Variants in NKAIN2 observed in about 807,000 individuals in gnomAD.
NKAIN2 encodes the protein sodium/potassium transporting ATPase interacting 2.
NKAIN2 carries 14 observed loss-of-function variants against 32.6 expected under a neutral mutation model. That is an observed-to-expected ratio of 0.43 (90% confidence interval 0.28 to 0.67). NKAIN2 has a LOEUF of 0.67. Among genes scored for constraint, NKAIN2 ranks in the 30% least tolerant of loss-of-function variants. The pLI, the probability that NKAIN2 is intolerant of heterozygous loss-of-function variation, is 0.17. For synonymous variants in NKAIN2, 80 were observed against 87.2 expected, an observed-to-expected ratio of 0.92 and a Z score of 0.46; for missense variants, 198 against 258.3, an observed-to-expected ratio of 0.77 and a Z score of 1.60.
chr6:124,640,824 C>G (rs1034001279), intron 3 of NKAIN2, among the ~76,000 whole-genome samples: 1 of 152,092 alleles, frequency 6.6e-6, no homozygotes, highest in South Asian at 2.1e-4. Flanking sequence ...AATTTTTTCC[C>G]GTTTCCTATT....
intron 1 of NKAIN2, among the ~76,000 whole-genome samples, chr6:124,267,480 C>CT (rs1200827677): frequency 2.3e-5 from 2 of 86,662 alleles, no homozygotes; most frequent in Non-Finnish European, 4.0e-5. Context: ...AACCATGTCT[C>CT]TAAAAAAAAA....
intron 1 of NKAIN2, among the ~76,000 whole-genome samples, chr6:124,016,031 A>G (rs1310947762): frequency 2.0e-5 from 3 of 151,862 alleles, no homozygotes; most frequent in Non-Finnish European, 2.9e-5. Context: ...TTTTTTTTTA[A>G]TTCTTCAAAA....
intron 3 of NKAIN2, among the ~76,000 whole-genome samples, chr6:124,445,091 G>T (rs561544383): frequency 3.3e-5 from 5 of 152,000 alleles, no homozygotes; most frequent in Non-Finnish European, 7.4e-5. Context: ...CGAAACCTCT[G>T]CAAGGATGTC....
chr6:124,432,740 A>G (rs1775271337), intron 3 of NKAIN2, among the ~76,000 whole-genome samples: 1 of 152,170 alleles, frequency 6.6e-6, no homozygotes, highest in Non-Finnish European at 1.5e-5. Context: ...ATGGCCACCA[A>G]CAAGGATCAT....
chr6:124,092,400 C>T (rs1032062364), intron 1 of NKAIN2, among the ~76,000 whole-genome samples: 2 of 152,036 alleles, frequency 1.3e-5, no homozygotes, highest in African/African-American at 4.8e-5. Context: ...GAACAATTTT[C>T]TATAAAAGTA....
intron 4 of NKAIN2, among the ~76,000 whole-genome samples, chr6:124,775,154 T>C (rs1441085221): frequency 6.6e-6 from 1 of 152,216 alleles, no homozygotes; most frequent in East Asian, 1.9e-4. Flanking sequence ...GCTTCATTTC[T>C]TTTAACAACA....
At chr6:124,819,431 A>G (rs1013076670) in intron 6 of NKAIN2, among the ~76,000 whole-genome samples, 1 of 152,130 alleles carries the variant, frequency 6.6e-6, no homozygotes, top group African/African-American at 2.4e-5. Context: ...CTCTGAAATC[A>G]TTTGCTAATA....
intron 1 of NKAIN2, among the ~76,000 whole-genome samples, chr6:123,838,461 A>G (rs1222749519): frequency 1.3e-5 from 2 of 152,190 alleles, no homozygotes; most frequent in South Asian, 2.1e-4. Context: ...AAAAGTTATA[A>G]TATTTATTCT....
At chr6:124,443,514 G>C (rs1775774934) in intron 3 of NKAIN2, among the ~76,000 whole-genome samples, 1 of 152,062 alleles carries the variant, frequency 6.6e-6, no homozygotes. Context: ...ACACTTGTTT[G>C]TTTGAGTCTT....
chr6:123,880,605 T>C (rs1251436852), intron 1 of NKAIN2, among the ~76,000 whole-genome samples: 1 of 152,176 alleles, frequency 6.6e-6, no homozygotes, highest in Non-Finnish European at 1.5e-5. Flanking sequence ...TGGGCCTTAA[T>C]GTATTAAAAG....
chr6:124,082,741 A>G (rs62435623), intron 1 of NKAIN2, among the ~76,000 whole-genome samples: 1,789 of 152,126 alleles, frequency 0.012, 22 homozygotes, highest in Non-Finnish European at 0.019. Context: ...CATCCTTTTT[A>G]TTAGATTTTC....
At chr6:124,437,494 C>G (rs1775500056) in intron 3 of NKAIN2, among the ~76,000 whole-genome samples, 1 of 152,120 alleles carries the variant, frequency 6.6e-6, no homozygotes, top group African/African-American at 2.4e-5. Context: ...TCCCTTCCTT[C>G]CTTCCTTTCT....
intron 1 of NKAIN2, among the ~76,000 whole-genome samples, chr6:124,061,378 A>G (rs570121965): frequency 5.9e-5 from 9 of 152,258 alleles, no homozygotes; most frequent in African/African-American, 2.2e-4. Flanking sequence ...AAAGGTGGGA[A>G]GCAAGGTATC....
intron 3 of NKAIN2, among the ~76,000 whole-genome samples, chr6:124,389,152 A>G (rs1773037518): frequency 6.6e-6 from 1 of 152,124 alleles, no homozygotes; most frequent in African/African-American, 2.4e-5. Context: ...TATTTCCCCT[A>G]GGAACAATGG....
chr6:124,276,165 GTTTTTTGT>G (rs902348722), intron 1 of NKAIN2, among the ~76,000 whole-genome samples: 6 of 151,942 alleles, frequency 3.9e-5, no homozygotes, highest in African/African-American at 1.4e-4. Context: ...TTTTGGTTTT[GTTTTTTGT>G]TTTTCTTTTT....
chr6:124,593,279 G>A (rs996327540), intron 3 of NKAIN2, among the ~76,000 whole-genome samples: 1 of 151,968 alleles, frequency 6.6e-6, no homozygotes, highest in African/African-American at 2.4e-5. Context: ...TAAAGAATTG[G>A]AGAGTTTTCA....
intron 3 of NKAIN2, among the ~76,000 whole-genome samples, chr6:124,568,296 A>G (rs2114911071): frequency 1.3e-5 from 2 of 152,358 alleles, no homozygotes; most frequent in Middle Eastern, 6.8e-3. Flanking sequence ...TAGACGAGCA[A>G]TTAGTGCCCA....
At chr6:124,177,626 T>G (rs529869170) in intron 1 of NKAIN2, among the ~76,000 whole-genome samples, 6 of 151,790 alleles carry the variant, frequency 4.0e-5, no homozygotes, top group Non-Finnish European at 5.9e-5. Context: ...TGGTTGAAAG[T>G]TTTTTTTTCC....
intron 1 of NKAIN2, among the ~76,000 whole-genome samples, chr6:123,812,048 C>T (rs1773498366): frequency 6.6e-6 from 1 of 151,958 alleles, no homozygotes; most frequent in South Asian, 2.1e-4. Context: ...ATGCCCCCCA[C>T]CGCCCCCACC....
Sources: allele counts gnomAD v4.1 joint callset (sites outside exome capture counted in the v4.1 genomes callset), GRCh38; gene constraint gnomAD v4.1.1; transcripts MANE v1.5; gene names NCBI Gene and HGNC (gene_info 2026-07-23, HGNC 2026-07-21).